FBXO42: variants seen among roughly 807,000 people sequenced by gnomAD.
FBXO42 encodes F-box only protein 42.
In FBXO42, 12 loss-of-function variants were observed where a neutral mutation model predicts 71.7. The observed-to-expected ratio is 0.17, with a 90% CI of 0.11 to 0.27. The LOEUF (loss-of-function observed/expected upper bound fraction) is 0.27. Ranked by LOEUF, FBXO42 falls within the 10% of genes least tolerant of loss-of-function variation. FBXO42 has a pLI of 1.00. For synonymous variants in FBXO42, 325 were observed against 327.5 expected (o/e 0.99, Z 0.08); for missense variants, 707 against 911.9 (o/e 0.78, Z 2.89).
chr1:16,300,537 C>T (rs2082180644), intron 3 of FBXO42, among the ~76,000 whole-genome samples: 1 of 152,154 alleles, frequency 6.6e-6, no homozygotes, highest in African/African-American at 2.4e-5. Context: ...TCTTTTGTTT[C>T]TTCACCTGTC....
intron 6 of FBXO42, among the ~76,000 whole-genome samples, chr1:16,255,278 GGATGA>G (rs2081628865): frequency 6.6e-6 from 1 of 151,914 alleles, no homozygotes; most frequent in Non-Finnish European, 1.5e-5. Context: ...CAGAATGCTA[GGATGA>G]GATAACTAAT....
chr1:16,271,725 C>G (rs1457355868), intron 4 of FBXO42, among the ~76,000 whole-genome samples: 8 of 152,084 alleles, frequency 5.3e-5, no homozygotes, highest in Non-Finnish European at 1.2e-4. Context: ...ATCCATAGCC[C>G]TCTTCATTTA....
intron 1 of FBXO42, among the ~76,000 whole-genome samples, chr1:16,346,659 G>A (rs1166798815): frequency 1.4e-5 from 2 of 147,802 alleles, no homozygotes; most frequent in African/African-American, 5.0e-5. Context: ...CTGCACTCCA[G>A]CCTGGGCGAC....
At chr1:16,294,515 G>A in intron 4 of FBXO42, 2 of 396,998 alleles carry the variant, frequency 5.0e-6, no homozygotes, top group Non-Finnish European at 9.3e-6. Flanking sequence ...ACACCTGTAT[G>A]AGTATACTTG....
intron 4 of FBXO42, among the ~76,000 whole-genome samples, chr1:16,270,687 A>AG (rs1210279445): frequency 2.0e-5 from 1 of 49,820 alleles, no homozygotes; most frequent in Non-Finnish European, 3.7e-5. Context: ...AAAAAAAAAA[A>AG]AAAAAAAAAG....
At chr1:16,316,996 G>T (rs903114844) in intron 1 of FBXO42, among the ~76,000 whole-genome samples, 3 of 152,050 alleles carry the variant, frequency 2.0e-5, no homozygotes, top group African/African-American at 7.2e-5. Flanking sequence ...AAAGAAGATA[G>T]AAGGCCGGAT....
intron 1 of FBXO42, among the ~76,000 whole-genome samples, chr1:16,351,992 G>GT (rs1268893092): frequency 1.3e-5 from 2 of 152,156 alleles, no homozygotes; most frequent in Non-Finnish European, 2.9e-5. Context: ...CACTGCCCGG[G>GT]TGAGGGGACG....
Position 16,315,702 on chromosome 1 carries a change from A to C in FBXO42, c.-17-267T>G, listed in dbSNP as rs111849359. Among the ~76,000 whole-genome samples, 43 of 152,308 alleles carry C rather than the reference A, an allele frequency of 2.8e-4. 1 individual carries two copies. The highest frequency in any genetic ancestry group is 1.0e-3 in the African/African-American group (42 of 41,572). On this transcript the variant is annotated intron_variant, in intron 1 of 9. Coordinates refer to ENST00000375592, the MANE Select transcript of FBXO42 (RefSeq NM_018994.3). ...AAGTTCTGGTATAATCGTAAACCAG[A>C]AAACTTGTTCTCCAACAATTCTTCT... is the stretch of plus-strand genomic sequence containing the variant.
At chr1:16,276,583 G>A (rs377108727) in intron 4 of FBXO42, among the ~76,000 whole-genome samples, 4 of 152,240 alleles carry the variant, frequency 2.6e-5, no homozygotes, top group East Asian at 3.9e-4. Flanking sequence ...AGTATCTTGC[G>A]TTCCTCTCCC....
Position 16,326,014 on chromosome 1 carries a change from T to TTGTGTGTGTGTGTGTGTGTGTGTGTG in FBXO42, c.-17-10605_-17-10580dup, listed in dbSNP as rs34752325. On this transcript the variant is annotated intron_variant, in intron 1 of 9. Coordinates refer to ENST00000375592, the MANE Select transcript of FBXO42 (RefSeq NM_018994.3). ...TAAAATGGAACTTCAGTGCCCAAAT[T>TTGTGTGTGTGTGTGTGTGTGTGTGTG]TGTGTGTGTGTGTGTGTGTGTGTGT... 2.8e-3 allele frequency among the ~76,000 whole-genome samples: 380 copies of TTGTGTGTGTGTGTGTGTGTGTGTGTG among 137,484 alleles called. 4 individuals are homozygous for TTGTGTGTGTGTGTGTGTGTGTGTGTG. The highest frequency in any genetic ancestry group is 4.3e-3 in the South Asian group (18 of 4,224). The allele number at this position is 137,484 out of a possible 152,430, so 90.2% of individuals were successfully genotyped here. A position where few individuals can be genotyped will look rare whatever the true frequency, so the allele number is the denominator to read the frequency against.
chr1:16,330,484 G>A (rs1458699194), intron 1 of FBXO42, among the ~76,000 whole-genome samples: 5 of 152,138 alleles, frequency 3.3e-5, no homozygotes, highest in Admixed American at 2.6e-4. Flanking sequence ...TCCAGCCTGT[G>A]TGACAGAGTG....
chr1:16,323,305 C>T (rs1246456259), intron 1 of FBXO42, among the ~76,000 whole-genome samples: 1 of 151,846 alleles, frequency 6.6e-6, no homozygotes, highest in Middle Eastern at 3.2e-3. Flanking sequence ...GTAATCCCAG[C>T]TACTCGGGAG....
chr1:16,295,206 C>A (rs1341597066), intron 3 of FBXO42, among the ~76,000 whole-genome samples: 1 of 152,138 alleles, frequency 6.6e-6, no homozygotes, highest in Non-Finnish European at 1.5e-5. Flanking sequence ...ATTAAAGGTG[C>A]TCAAATGAGG....
At chr1:16,301,176 G>C (rs751657696) in intron 3 of FBXO42, among the ~76,000 whole-genome samples, 56 of 151,948 alleles carry the variant, frequency 3.7e-4, no homozygotes, top group Non-Finnish European at 6.9e-4. Context: ...TGGGATTACA[G>C]GGGTGAGCCT....
At chr1:16,267,972 C>A (rs919829991) in intron 4 of FBXO42, among the ~76,000 whole-genome samples, 2 of 152,166 alleles carry the variant, frequency 1.3e-5, no homozygotes, top group Non-Finnish European at 2.9e-5. Context: ...ATGAATAGGG[C>A]AGCACTTATC....
Position 16,250,575 on chromosome 1 carries a change from G to T in FBXO42, c.*95C>A. 2 of 1,426,760 alleles carry T rather than the reference G, an allele frequency of 1.4e-6. No individual in the cohort carries two copies. Among genetic ancestry groups the T allele is most frequent in the Non-Finnish European group, 1.9e-6 (2 of 1,060,232 alleles). 88.4% of individuals were successfully genotyped at this position (1,426,760 alleles called of 1,614,324 possible). A position where few individuals can be genotyped will look rare whatever the true frequency, so the allele number is the denominator to read the frequency against. On this transcript the variant is annotated 3_prime_UTR_variant, in exon 10 of 10. Coordinates refer to ENST00000375592, the MANE Select transcript of FBXO42 (RefSeq NM_018994.3). This position sits in a 1 kb window ranked among gnomAD's most constrained non-coding sequence, Gnocchi z 4.7. ...GGAATTAAAGAGTTTTGGCTTCTGG[G>T]AGTAATTTTGTTTTCCCAATTCTCA...
Position 16,255,541 on chromosome 1 carries a change from G to A in FBXO42, c.767+170C>T, listed in dbSNP as rs546991915. 5.3e-5 allele frequency among the ~76,000 whole-genome samples: 8 copies of A among 152,220 alleles called. No individual in the cohort carries two copies. In the South Asian group the frequency reaches 6.2e-4, roughly 12 times the overall value. On this transcript the variant is annotated intron_variant, in intron 6 of 9. Transcript: ENST00000375592. ...GTAGAGATGGGGCTTCGCCATGTTC[G>A]CCATGCTGGTCACAAACTCCTGACC...
rs1315125012 is a variant in FBXO42 at position 16,335,062 on chromosome 1, A to AC, written c.-18+17192dup. Among the ~76,000 whole-genome samples the AC allele has an allele frequency of 2.1e-3, 256 of 120,376 alleles. 1 individual carries two copies. Among genetic ancestry groups the AC allele is most frequent in the Middle Eastern group, 8.3e-3 (2 of 242 alleles). The allele number at this position is 120,376 out of a possible 152,430, so 79.0% of individuals were successfully genotyped here. A position where few individuals can be genotyped will look rare whatever the true frequency, so the allele number is the denominator to read the frequency against. ...GGCAACACAGCAAAACCTCGTCTGT[A>AC]CAAAAAAAAAAAAAAAAAAAAAAAA... On this transcript the variant is annotated intron_variant, in intron 1 of 9. Transcript: ENST00000375592.
chr1:16,333,637 T>C (rs1411304560), intron 1 of FBXO42, among the ~76,000 whole-genome samples: 2 of 152,132 alleles, frequency 1.3e-5, no homozygotes, highest in African/African-American at 2.4e-5. Flanking sequence ...TACTTCTCAT[T>C]GCTATGGCTT....
Sources: allele counts gnomAD v4.1 joint callset (sites outside exome capture counted in the v4.1 genomes callset), GRCh38; gene constraint gnomAD v4.1.1; non-coding constraint Gnocchi (gnomAD v3.1); transcripts MANE v1.5; gene names NCBI Gene and HGNC (gene_info 2026-07-23, HGNC 2026-07-21).